The following ANKRD31 variants were observed in gnomAD, a reference collection of about 807,000 sequenced individuals.
ANKRD31 encodes the protein ankyrin repeat domain 31.
ANKRD31 carries 147 observed loss-of-function variants against 186.0 expected under a neutral mutation model. That is an observed-to-expected ratio of 0.79 (90% CI 0.69 to 0.91). The LOEUF (loss-of-function observed/expected upper bound fraction) is 0.91, where lower values mean the gene tolerates loss of function less well. Among genes scored for constraint, ANKRD31 ranks in the 40% least tolerant of loss-of-function variants. ANKRD31 has a pLI of 0.00. For missense variants in ANKRD31, 1,986 were observed against 2,148.8 expected (o/e 0.92, Z 1.50); for synonymous variants, 673 against 736.4 (o/e 0.91, Z 1.39).
chr5:75,118,440 T>A, intron 17 of ANKRD31, 143 bp from the exon 18 acceptor site: 1 of 804,658 alleles, frequency 1.2e-6, no homozygotes, highest in South Asian at 2.2e-5. Flanking sequence ...TTATTAAAAT[T>A]GATGTGGCAA....
chr5:75,213,524 A>T (rs978053253), intron 3 of ANKRD31, among the ~76,000 whole-genome samples: 21 of 152,342 alleles, frequency 1.4e-4, no homozygotes, highest in Admixed American at 1.3e-3. Context: ...CATTGAATAC[A>T]AGTGGGGGCT....
At chr5:75,133,213 T>G (rs530540481) in intron 17 of ANKRD31, among the ~76,000 whole-genome samples, 3 of 152,202 alleles carry the variant, frequency 2.0e-5, no homozygotes, top group African/African-American at 2.4e-5. Context: ...AAGACACAGA[T>G]TGGCAAATTG....
chr5:75,215,096 T>C (rs1756886442), intron 3 of ANKRD31, among the ~76,000 whole-genome samples: 1 of 152,050 alleles, frequency 6.6e-6, no homozygotes, highest in Non-Finnish European at 1.5e-5. Flanking sequence ...GAACAGGCAA[T>C]AGTACAGATG....
chr5:75,097,697 A>G (rs996170791), intron 22 of ANKRD31, among the ~76,000 whole-genome samples: 13 of 152,126 alleles, frequency 8.5e-5, no homozygotes, highest in Non-Finnish European at 1.2e-4. Context: ...TTCTGTTGCC[A>G]TTGCTTTTGG....
intron 11 of ANKRD31, among the ~76,000 whole-genome samples, chr5:75,160,912 C>G (rs1277835467): frequency 1.3e-5 from 2 of 152,126 alleles, no homozygotes; most frequent in African/African-American, 4.8e-5. Flanking sequence ...GTGCTTTTCC[C>G]CTTATGCCAT....
At position 75,068,397 on chromosome 5, in the gene ANKRD31, A is replaced by C. The variant is rs1743932852; in HGVS notation, c.*122T>G. 2 of 914,956 alleles carry C rather than the reference A, an allele frequency of 2.2e-6. No individual in the cohort carries two copies. Among genetic ancestry groups the C allele is most frequent in the Non-Finnish European group, 3.0e-6 (2 of 664,330 alleles). The allele number at this position is 914,956 out of a possible 1,614,324, so 56.7% of individuals were successfully genotyped here. On this transcript the variant is annotated 3_prime_UTR_variant, in exon 26 of 26. Transcript: ENST00000506364. The stretch of plus-strand genomic sequence containing the variant: ...TACATCTTAAGAACAGTAAACATAC[A>C]TCCTAAATAGCAACTCATAAAGTGT...
intron 11 of ANKRD31, among the ~76,000 whole-genome samples, chr5:75,166,319 A>G (rs1752916887): frequency 1.3e-5 from 2 of 152,030 alleles, no homozygotes; most frequent in Admixed American, 1.3e-4. Context: ...AAAATACAAA[A>G]ACTTAGCTGA....
intron 10 of ANKRD31, 192 bp from the exon 11 acceptor site, chr5:75,169,313 C>G (rs935899577): frequency 2.0e-5 from 13 of 642,108 alleles, no homozygotes; most frequent in Non-Finnish European, 3.3e-5. Flanking sequence ...ACAAATCAAA[C>G]TCCTACCCCT....
chr5:75,116,511 C>G (rs1748284194), intron 19 of ANKRD31, 55 bp downstream of exon 19: 1 of 1,144,550 alleles, frequency 8.7e-7, no homozygotes, highest in Admixed American at 3.4e-5. Context: ...AACTGGCTGG[C>G]TCAAAGAATG....
At chr5:75,152,085 C>T (rs1390257635) in intron 12 of ANKRD31, among the ~76,000 whole-genome samples, 1 of 152,010 alleles carries the variant, frequency 6.6e-6, no homozygotes, top group Non-Finnish European at 1.5e-5. Flanking sequence ...AGGCAGCTCT[C>T]TGAAGAGAGA....
At chr5:75,206,361 T>C (rs1158457385) in intron 5 of ANKRD31, 50 bp downstream of exon 5, 1 of 1,143,044 alleles carries the variant, frequency 8.7e-7, no homozygotes, top group Non-Finnish European at 1.1e-6. Flanking sequence ...AGTCTTCTAT[T>C]TTTAGGCAAA....
At chr5:75,209,410 C>T (rs1407548473) in intron 4 of ANKRD31, among the ~76,000 whole-genome samples, 1 of 152,326 alleles carries the variant, frequency 6.6e-6, no homozygotes, top group East Asian at 1.9e-4. Context: ...CACACGGTGG[C>T]TCATGCCTGT....
intron 17 of ANKRD31, among the ~76,000 whole-genome samples, chr5:75,134,779 G>T (rs894562861): frequency 6.6e-6 from 1 of 152,116 alleles, no homozygotes. Flanking sequence ...TAAAATACTG[G>T]CAAACCGAAT....
chr5:75,068,520 TA>T lies in ANKRD31; in HGVS notation c.5791del (p.Ter1931LysfsTer6). 1 of 1,488,026 alleles carries T rather than the reference TA, an allele frequency of 6.7e-7. No homozygotes were observed. Among genetic ancestry groups the T allele is most frequent in the Non-Finnish European group, 8.9e-7 (1 of 1,126,636 alleles). The allele number at this position is 1,488,026 out of a possible 1,614,324, so 92.2% of individuals were successfully genotyped here. Reference sequence around the variant, plus strand: ...ATAAAATATTAAGAAACCAAGGTTTTAGGGTGTTAGTTCCTCACATTCCACA... The same window carrying T: ...ATAAAATATTAAGAAACCAAGGTTTTGGGTGTTAGTTCCTCACATTCCACA... ...FCVECEELTP[*>X] On this transcript the variant is annotated frameshift_variant and stop_lost, in exon 26 of 26. Transcript: ENST00000506364. LOFTEE classifies it high-confidence loss of function.
At chr5:75,163,904 A>G (rs1288492832) in intron 11 of ANKRD31, among the ~76,000 whole-genome samples, 1 of 152,182 alleles carries the variant, frequency 6.6e-6, no homozygotes, top group African/African-American at 2.4e-5. Context: ...TGGCTTTAAA[A>G]TATGTCTGTA....
At chr5:75,235,642 C>A (rs1018468057) in intron 1 of ANKRD31, among the ~76,000 whole-genome samples, 3 of 152,190 alleles carry the variant, frequency 2.0e-5, no homozygotes, top group African/African-American at 7.2e-5. Flanking sequence ...ACCTCCCAGC[C>A]CTGCCCCAAG....
At chr5:75,075,875 A>G (rs182265151) in intron 25 of ANKRD31, among the ~76,000 whole-genome samples, 3 of 152,308 alleles carry the variant, frequency 2.0e-5, no homozygotes, top group Admixed American at 2.0e-4. Context: ...TGGATCCATT[A>G]GTAATTATTA....
rs1373296060 is a variant in ANKRD31 at position 75,071,526 on chromosome 5, G to A, written c.5648-2862C>T. Among the ~76,000 whole-genome samples, 4 of 145,012 alleles carry A rather than the reference G, an allele frequency of 2.8e-5. 1 individual carries two copies. The highest frequency in any genetic ancestry group is 4.4e-4 in the South Asian group (2 of 4,566). On this transcript the variant is annotated intron_variant, in intron 25 of 25. Transcript: ENST00000506364. The stretch of plus-strand genomic sequence containing the variant: ...TTTTTTTTTTTTGAGGTGGAGTCTC[G>A]GTCTTGTCACCCAGCCTGGAGTACA...
intron 21 of ANKRD31, 110 bp from the exon 22 acceptor site, chr5:75,105,328 T>A: frequency 8.4e-7 from 1 of 1,196,992 alleles, no homozygotes; most frequent in Non-Finnish European, 1.1e-6. Flanking sequence ...CACTTTAAAA[T>A]ACACAAAACT....
Sources: gnomAD v4.1 joint callset for allele counts (sites outside exome capture counted in the v4.1 genomes callset) on GRCh38, gnomAD v4.1.1 for gene constraint, MANE v1.5 for transcripts, NCBI Gene and HGNC (gene_info 2026-07-23, HGNC 2026-07-21) for gene names.